Variants in OLFM1 observed in about 807,000 individuals in gnomAD.
OLFM1 encodes the protein olfactomedin 1.
OLFM1 carries 9 observed loss-of-function variants against 49.7 expected under a neutral mutation model. That is an observed-to-expected ratio of 0.18 (90% confidence interval 0.11 to 0.32). OLFM1 has a LOEUF of 0.32. Ranked by LOEUF, OLFM1 falls within the 10% of genes least tolerant of loss-of-function variation. The pLI, the probability that OLFM1 is intolerant of heterozygous loss-of-function variation, is 1.00. For missense variants in OLFM1, 369 were observed against 661.8 expected (o/e 0.56, Z 4.85); for synonymous variants, 240 against 271.8 (o/e 0.88, Z 1.15).
At chr9:135,107,957 C>A (rs1020819194) in intron 5 of OLFM1, among the ~76,000 whole-genome samples, 1 of 152,186 alleles carries the variant, frequency 6.6e-6, no homozygotes, top group Non-Finnish European at 1.5e-5. Context: ...CTCTGGCACA[C>A]TCCTTCCTTC....
At chr9:135,084,878 G>A (rs943893119), upstream of OLFM1, among the ~76,000 whole-genome samples, 1 of 152,158 alleles carries the variant, frequency 6.6e-6, no homozygotes, top group Admixed American at 6.6e-5. This position sits in a 1 kb window ranked among gnomAD's most constrained non-coding sequence, Gnocchi z 4.6. Flanking sequence ...TCGTCTGACT[G>A]TGGGTGTTGG....
At chr9:135,076,278 C>A in intron 1 of OLFM1, 1 of 1,550,486 alleles carries the variant, frequency 6.4e-7, no homozygotes, top group South Asian at 1.2e-5. Flanking sequence ...CAGAAACAGG[C>A]GGTGGGGATT....
chr9:135,076,367 G>A (rs1830466467), intron 1 of OLFM1: 2 of 1,527,170 alleles, frequency 1.3e-6, no homozygotes, highest in South Asian at 1.2e-5. Context: ...GGGCTTGGGG[G>A]GCTGTGGCCA....
At chr9:135,078,080 G>A (rs1830490515) in intron 1 of OLFM1, among the ~76,000 whole-genome samples, 1 of 152,198 alleles carries the variant, frequency 6.6e-6, no homozygotes, top group Non-Finnish European at 1.5e-5. Context: ...AGAGCTACTG[G>A]GGGACATCCA....
At chr9:135,082,737 C>G (rs540212744), upstream of OLFM1, among the ~76,000 whole-genome samples, 1 of 152,124 alleles carries the variant, frequency 6.6e-6, no homozygotes, top group Non-Finnish European at 1.5e-5. Context: ...GGGGTGTTGA[C>G]GGACCCAGGG....
Position 135,119,650 on chromosome 9 carries a change from C to T in OLFM1, c.930C>T (p.Ile310=), listed in dbSNP as rs1223476089. Residue 310 remains isoleucine (I), a synonymous_variant, in exon 6 of 6, where the codon ATC becomes ATT. Transcript: ENST00000371793. ...GGCAGGTGGTCTACAACGGTTCTATCTACTTCAACAAGTTCCAGAGCCACA... is the reference window on the plus strand; with the variant it reads ...GGCAGGTGGTCTACAACGGTTCTATTTACTTCAACAAGTTCCAGAGCCACA... The part of the protein sequence containing the change: ...GTGQVVYNGS[I]YFNKFQSHII... 1 of 1,614,214 alleles carries T rather than the reference C, an allele frequency of 6.2e-7. No homozygotes were observed. The highest frequency in any genetic ancestry group is 1.1e-5 in the South Asian group (1 of 91,088).
chr9:135,077,549 G>T (rs1830483436), intron 1 of OLFM1, among the ~76,000 whole-genome samples: 1 of 152,132 alleles, frequency 6.6e-6, no homozygotes, highest in South Asian at 2.1e-4. Flanking sequence ...TCACACCCCT[G>T]CATCCTCACA....
chr9:135,091,469 TCA>T (rs774325151), intron 2 of OLFM1, among the ~76,000 whole-genome samples: 348 of 130,528 alleles, frequency 2.7e-3, no homozygotes, highest in African/African-American at 9.8e-3. Flanking sequence ...TCACACACAG[TCA>T]CACACATTCA....
chr9:135,118,134 G>A (rs962354306), intron 5 of OLFM1, among the ~76,000 whole-genome samples: 6 of 152,202 alleles, frequency 3.9e-5, no homozygotes, highest in Non-Finnish European at 7.3e-5. Flanking sequence ...ATTCCAAGTC[G>A]GGGAACAGCT....
intron 4 of OLFM1, among the ~76,000 whole-genome samples, chr9:135,101,615 G>A (rs898751514): frequency 1.3e-5 from 2 of 152,222 alleles, no homozygotes; most frequent in African/African-American, 4.8e-5. Flanking sequence ...GCAGTTTGCC[G>A]GTTCCCCTGG....
At chr9:135,099,511 AAG>A (rs1366678366) in intron 4 of OLFM1, among the ~76,000 whole-genome samples, 1 of 152,206 alleles carries the variant, frequency 6.6e-6, no homozygotes, top group Admixed American at 6.5e-5. Context: ...TAGTCAGGTG[AAG>A]AGAGAGAATA....
At chr9:135,087,037 C>T (rs1830606464), upstream of OLFM1, among the ~76,000 whole-genome samples, 1 of 152,248 alleles carries the variant, frequency 6.6e-6, no homozygotes, top group Non-Finnish European at 1.5e-5. Context: ...CCACCCCAGC[C>T]CCCGCCTTGC....
chr9:135,076,781 T>C (rs1473737850), intron 1 of OLFM1: 21 of 1,509,926 alleles, frequency 1.4e-5, no homozygotes, highest in African/African-American at 2.8e-5. Flanking sequence ...CTGACCCTTC[T>C]TTCCTTCCTC....
rs1830616892 is a variant in OLFM1, at chr9:135,087,674, G to A, written c.-316G>A. On this transcript the variant is annotated 5_prime_UTR_variant, in exon 1 of 6. Transcript: ENST00000371793. ...CGCAGCCCGCGCAGCGCTCAGAGCC[G>A]GACGGCGCTTCCCGGTGGCGGCGGA... 1 of 467,422 alleles carries A rather than the reference G, an allele frequency of 2.1e-6. No homozygotes were observed. Among genetic ancestry groups the A allele is most frequent in the Non-Finnish European group, 3.1e-6 (1 of 319,990 alleles). 29.0% of individuals were successfully genotyped at this position (467,422 alleles called of 1,614,324 possible). A position where few individuals can be genotyped will look rare whatever the true frequency, so the allele number is the denominator to read the frequency against.
At chr9:135,116,452 T>C (rs938009939) in intron 5 of OLFM1, among the ~76,000 whole-genome samples, 4 of 152,158 alleles carry the variant, frequency 2.6e-5, no homozygotes, top group African/African-American at 9.7e-5. Flanking sequence ...TTAAAAATCC[T>C]TAGCAAGTTG....
rs1831169458 is a variant in OLFM1 at position 135,120,295 on chromosome 9, G to A, written c.*117G>A. On this transcript the variant is annotated 3_prime_UTR_variant, in exon 6 of 6. Coordinates refer to ENST00000371793, the MANE Select transcript of OLFM1 (RefSeq NM_001282611.2). ...TACCGATCTTGAAAAATCATCAGCAGTGCGGATTCTGACATCGAGGGATGG... is the reference window on the plus strand; with the variant it reads ...TACCGATCTTGAAAAATCATCAGCAATGCGGATTCTGACATCGAGGGATGG... 2.2e-6 allele frequency: 2 copies of A among 908,938 alleles called. No individual in the cohort carries two copies. The highest frequency in any genetic ancestry group is 5.6e-5 in the Admixed American group (2 of 35,632). 56.3% of individuals were successfully genotyped at this position (908,938 alleles called of 1,614,324 possible). A position where few individuals can be genotyped will look rare whatever the true frequency, so the allele number is the denominator to read the frequency against.
chr9:135,107,696 A>G (rs1830965125), intron 5 of OLFM1, among the ~76,000 whole-genome samples: 1 of 152,078 alleles, frequency 6.6e-6, no homozygotes, highest in East Asian at 1.9e-4. Flanking sequence ...TCACCCAGCA[A>G]CCCCTTCCTT....
chr9:135,106,623 C>T lies in OLFM1; in HGVS notation c.677-126C>T, dbSNP rs1830947207. The stretch of plus-strand genomic sequence containing the variant: ...GGCGTGAGCAGCTTTCCACAGTACC[C>T]CAGACCCCGAGGGCAAGAGGAGAAG... On this transcript the variant is annotated intron_variant, in intron 4 of 5. Transcript: ENST00000371793. 4 of 677,972 alleles carry T rather than the reference C, an allele frequency of 5.9e-6. No individual in the cohort carries two copies. The South Asian group carries it at 7.2e-5, about 12-fold the overall frequency. 42.0% of individuals were successfully genotyped at this position (677,972 alleles called of 1,614,324 possible).
upstream of OLFM1, chr9:135,087,131 G>T: frequency 9.3e-7 from 1 of 1,071,758 alleles, no homozygotes; most frequent in Non-Finnish European, 1.3e-6. Context: ...GATCGCAGGG[G>T]CGCCTTTAGC....
Sources: gnomAD v4.1 joint callset for allele counts (sites outside exome capture counted in the v4.1 genomes callset) on GRCh38, gnomAD v4.1.1 for gene constraint, Gnocchi (gnomAD v3.1) non-coding constraint, MANE v1.5 for transcripts, NCBI Gene and HGNC (gene_info 2026-07-23, HGNC 2026-07-21) for gene names.